Variants in IQCH observed in about 807,000 individuals in gnomAD.
The protein encoded by IQCH is IQ motif containing H, also known as IQ domain-containing protein H.
In IQCH, 98 loss-of-function variants were observed where a neutral mutation model predicts 117.0. The ratio of observed to expected loss-of-function variants is 0.84; its 90% confidence interval spans 0.71 to 0.99. IQCH has a LOEUF of 0.99. Ranked by LOEUF, IQCH falls within the 50% of genes least tolerant of loss-of-function variation. The pLI is 0.00. For missense variants in IQCH, 1,102 were observed against 1,243.8 expected, an observed-to-expected ratio of 0.89 and a Z score of 1.72; for synonymous variants, 412 against 448.2, an observed-to-expected ratio of 0.92 and a Z score of 1.02.
Position 67,395,249 on chromosome 15 carries a change from A to G in IQCH, c.1633-42A>G. On this transcript the variant is annotated intron_variant, in intron 12 of 20. Coordinates refer to ENST00000335894, the MANE Select transcript of IQCH (RefSeq NM_001031715.3). This position sits in a 1 kb window ranked among gnomAD's most constrained non-coding sequence, Gnocchi z 4.0. Reference sequence around the variant, plus strand: ...TATAAATTAGGTGTATGGACTAGAAAAAAGGACACCTTTTAACAAGAATAA... The same window carrying G: ...TATAAATTAGGTGTATGGACTAGAAGAAAGGACACCTTTTAACAAGAATAA... 1 of 1,585,000 alleles carries G rather than the reference A, an allele frequency of 6.3e-7. No individual in the cohort carries two copies. Among genetic ancestry groups the G allele is most frequent in the East Asian group, 2.2e-5 (1 of 44,494 alleles).
intron 4 of IQCH, among the ~76,000 whole-genome samples, chr15:67,303,840 A>G (rs1275631946): frequency 6.6e-6 from 1 of 152,188 alleles, no homozygotes; most frequent in Non-Finnish European, 1.5e-5. Context: ...TCTTACAGAT[A>G]AGAGAATCTC....
At chr15:67,470,587 G>A (rs1229700769) in intron 17 of IQCH, among the ~76,000 whole-genome samples, 1 of 152,110 alleles carries the variant, frequency 6.6e-6, no homozygotes, top group Non-Finnish European at 1.5e-5. Flanking sequence ...CTTATACTAT[G>A]AACCATCTAG....
At chr15:67,321,722 C>G (rs777921178) in intron 4 of IQCH, among the ~76,000 whole-genome samples, 23 of 152,226 alleles carry the variant, frequency 1.5e-4, no homozygotes, top group Non-Finnish European at 2.4e-4. Flanking sequence ...AATGGCTACA[C>G]TGTTTTCTCC....
chr15:67,402,578 G>T (rs2140872679), intron 14 of IQCH, among the ~76,000 whole-genome samples: 1 of 152,254 alleles, frequency 6.6e-6, no homozygotes, highest in Non-Finnish European at 1.5e-5. Context: ...TGTTTCTTTT[G>T]ATAATGAAGA....
At position 67,465,425 on chromosome 15, in the gene IQCH, C is replaced by A; in HGVS notation, c.2676+128C>A. ...AAAGAGCCTAAGGCAAGTCATTGGA[C>A]TTGTCTGAGCAGGGTCTGGAAATGC... is the stretch of plus-strand genomic sequence containing the variant. On this transcript the variant is annotated intron_variant, in intron 17 of 20. Coordinates refer to ENST00000335894, the MANE Select transcript of IQCH (RefSeq NM_001031715.3). This position sits in a 1 kb window ranked among gnomAD's most constrained non-coding sequence, Gnocchi z 5.9. 2 of 989,424 alleles carry A rather than the reference C, an allele frequency of 2.0e-6. No homozygotes were observed. The highest frequency in any genetic ancestry group is 1.5e-6 in the Non-Finnish European group (1 of 678,650). 61.3% of individuals were successfully genotyped at this position (989,424 alleles called of 1,614,324 possible).
chr15:67,435,943 G>T (rs2082127128), intron 16 of IQCH, among the ~76,000 whole-genome samples: 1 of 151,896 alleles, frequency 6.6e-6, no homozygotes, highest in Non-Finnish European at 1.5e-5. Flanking sequence ...TTGCTATTGA[G>T]TTGTAAGAGT....
At chr15:67,311,610 A>G (rs1217384672) in intron 4 of IQCH, among the ~76,000 whole-genome samples, 1 of 149,186 alleles carries the variant, frequency 6.7e-6, no homozygotes, top group African/African-American at 2.4e-5. Flanking sequence ...GTAAGCACAT[A>G]CTATATTTAA....
chr15:67,452,205 G>C (rs1314642642), intron 16 of IQCH, among the ~76,000 whole-genome samples: 1 of 152,104 alleles, frequency 6.6e-6, no homozygotes, highest in East Asian at 1.9e-4. Flanking sequence ...CTTTTAATTG[G>C]AGCATTTAGC....
At chr15:67,346,635 C>T (rs1441977716) in intron 6 of IQCH, among the ~76,000 whole-genome samples, 1 of 152,142 alleles carries the variant, frequency 6.6e-6, no homozygotes, top group African/African-American at 2.4e-5. Context: ...CCTAATGGGC[C>T]ACAGTACCCA....
intron 1 of IQCH, 80 bp from the exon 2 acceptor site, chr15:67,261,192 G>A: frequency 9.9e-7 from 1 of 1,009,234 alleles, no homozygotes; most frequent in Non-Finnish European, 1.4e-6. Flanking sequence ...CAAGTACATT[G>A]CAAACCTTTA....
intron 6 of IQCH, among the ~76,000 whole-genome samples, chr15:67,344,853 T>C (rs988660773): frequency 6.6e-6 from 1 of 152,182 alleles, no homozygotes; most frequent in African/African-American, 2.4e-5. Context: ...GATTGTCAGA[T>C]TGGATAAATA....
At chr15:67,451,646 G>A (rs375029713) in intron 16 of IQCH, among the ~76,000 whole-genome samples, 1 of 151,892 alleles carries the variant, frequency 6.6e-6, no homozygotes, top group Non-Finnish European at 1.5e-5. Flanking sequence ...ACTTCCAACT[G>A]TGTGGTCAAT....
At chr15:67,298,930 AAGG>A (rs1348450222) in intron 4 of IQCH, among the ~76,000 whole-genome samples, 1 of 152,168 alleles carries the variant, frequency 6.6e-6, no homozygotes, top group African/African-American at 2.4e-5. Flanking sequence ...TTCCGAAAGA[AAGG>A]AAATCAGTGT....
chr15:67,448,706 G>A (rs1596398363), intron 16 of IQCH, among the ~76,000 whole-genome samples: 1 of 152,248 alleles, frequency 6.6e-6, no homozygotes, highest in East Asian at 1.9e-4. Flanking sequence ...TGTCTTTATA[G>A]CAGCATGATT....
At position 67,381,360 on chromosome 15, in the gene IQCH, G is replaced by A. The variant is rs139800563; in HGVS notation, c.1373-3576G>A. Among the ~76,000 whole-genome samples the A allele has an allele frequency of 1.0e-2, 1,522 of 152,288 alleles. 15 individuals carry two copies. Among genetic ancestry groups the A allele is most frequent in the Non-Finnish European group, 0.013 (876 of 68,018 alleles). On this transcript the variant is annotated intron_variant, in intron 10 of 20. Coordinates refer to ENST00000335894, the MANE Select transcript of IQCH (RefSeq NM_001031715.3). The surrounding 1 kb of genome is among the most constrained non-coding windows in gnomAD (Gnocchi z 5.1). ...AGTAACTTCAGAGAGGCAGCTCTCAGGTAAGCTTCTTTGATGTAGAGACAA... is the reference window on the plus strand; with the variant it reads ...AGTAACTTCAGAGAGGCAGCTCTCAAGTAAGCTTCTTTGATGTAGAGACAA...
Position 67,357,228 on chromosome 15 carries a change from T to C in IQCH, c.638-117T>C, listed in dbSNP as rs527497943. ...TGAATGAATACAGAAAGAAAGGTAGTGAGCGCACAGTGGGTGACAGAGCCA... is the reference window on the plus strand; with the variant it reads ...TGAATGAATACAGAAAGAAAGGTAGCGAGCGCACAGTGGGTGACAGAGCCA... On this transcript the variant is annotated intron_variant, in intron 6 of 20. Coordinates refer to ENST00000335894, the MANE Select transcript of IQCH (RefSeq NM_001031715.3). The C allele has an allele frequency of 4.8e-5, 34 of 712,860 alleles. No homozygotes were observed. In the South Asian group the frequency reaches 5.2e-4, roughly 11 times the overall value. The allele number at this position is 712,860 out of a possible 1,614,324, so 44.2% of individuals were successfully genotyped here. A position where few individuals can be genotyped will look rare whatever the true frequency, so the allele number is the denominator to read the frequency against.
At chr15:67,303,563 A>G (rs1245197550) in intron 4 of IQCH, among the ~76,000 whole-genome samples, 1 of 152,172 alleles carries the variant, frequency 6.6e-6, no homozygotes, top group African/African-American at 2.4e-5. Context: ...TCAAGAGACC[A>G]TTAAGTCTAA....
intron 3 of IQCH, among the ~76,000 whole-genome samples, chr15:67,269,173 TAC>T (rs1184847647): frequency 5.3e-5 from 8 of 152,254 alleles, no homozygotes; most frequent in Non-Finnish European, 1.2e-4. Context: ...TATCTCATCT[TAC>T]AGATAAACCA....
chr15:67,492,040 C>T (rs1012713768), intron 19 of IQCH, among the ~76,000 whole-genome samples: 12 of 152,238 alleles, frequency 7.9e-5, no homozygotes, highest in Admixed American at 6.5e-4. Flanking sequence ...CTTCCCATTT[C>T]ACTCTCCCCA....
Sources: allele counts gnomAD v4.1 joint callset (sites outside exome capture counted in the v4.1 genomes callset), GRCh38; gene constraint gnomAD v4.1.1; non-coding constraint Gnocchi (gnomAD v3.1); transcripts MANE v1.5; gene names NCBI Gene and HGNC (gene_info 2026-07-23, HGNC 2026-07-21).